Variants in AGBL4 observed in about 807,000 individuals in gnomAD.
AGBL4 encodes AGBL carboxypeptidase 4, also known as cytosolic carboxypeptidase 6.
AGBL4 carries 58 observed loss-of-function variants against 66.4 expected under a neutral mutation model. That is an observed-to-expected ratio of 0.87 (90% CI 0.71 to 1.09). AGBL4 has a LOEUF of 1.09. Among genes scored for constraint, AGBL4 ranks in the 50% least tolerant of loss-of-function variants. The pLI, the probability that AGBL4 is intolerant of heterozygous loss-of-function variation, is 0.00. For synonymous variants in AGBL4, 234 were observed against 222.9 expected (o/e 1.05, Z -0.44); for missense variants, 579 against 631.0 (o/e 0.92, Z 0.88).
chr1:49,508,987 G>C (rs1188450091), intron 3 of AGBL4, among the ~76,000 whole-genome samples: 1 of 151,804 alleles, frequency 6.6e-6, no homozygotes, highest in East Asian at 1.9e-4. Flanking sequence ...TTATCATCTA[G>C]TAGGGAACAT....
At position 49,552,792 on chromosome 1, in the gene AGBL4, G is replaced by A. The variant is rs930769042; in HGVS notation, c.282+144521C>T. ...GCCCTGCATACTGCTCTGTCTGTCCGAGTCAGAGCTGCAATTTAGTCCTGC... is the reference window on the plus strand; with the variant it reads ...GCCCTGCATACTGCTCTGTCTGTCCAAGTCAGAGCTGCAATTTAGTCCTGC... On this transcript the variant is annotated intron_variant, in intron 3 of 13. Transcript: ENST00000371839. Among the ~76,000 whole-genome samples the A allele has an allele frequency of 7.2e-5, 11 of 152,160 alleles. 1 individual carries two copies. Among genetic ancestry groups the A allele is most frequent in the African/African-American group, 2.7e-4 (11 of 41,436 alleles).
intron 6 of AGBL4, among the ~76,000 whole-genome samples, chr1:48,743,506 T>G (rs1404471022): frequency 1.3e-5 from 2 of 152,198 alleles, no homozygotes; most frequent in Admixed American, 1.3e-4. Context: ...AGAAACAGGA[T>G]GAAAATGGGT....
intron 5 of AGBL4, among the ~76,000 whole-genome samples, chr1:48,982,301 T>C (rs1000758481): frequency 1.3e-5 from 2 of 152,186 alleles, no homozygotes; most frequent in Admixed American, 6.5e-5. Context: ...ACCCATTAAC[T>C]CGTCATTTAA....
Position 49,864,995 on chromosome 1 carries a change from C to G in AGBL4, c.35-13477G>C, listed in dbSNP as rs554979024. On this transcript the variant is annotated intron_variant, in intron 1 of 13. Coordinates refer to ENST00000371839, the MANE Select transcript of AGBL4 (RefSeq NM_032785.4). ...CACAGCTGATGTGGCAGATCTTGACCAGACTGCCTCTTCAGGCCAGATCCA... is the reference window on the plus strand; with the variant it reads ...CACAGCTGATGTGGCAGATCTTGACGAGACTGCCTCTTCAGGCCAGATCCA... 7.9e-5 allele frequency among the ~76,000 whole-genome samples: 12 copies of G among 152,256 alleles called. No individual in the cohort carries two copies. The South Asian group carries it at 2.3e-3, about 29-fold the overall frequency.
intron 3 of AGBL4, among the ~76,000 whole-genome samples, chr1:49,250,821 GAGGAGAAC>G (rs1651998434): frequency 6.6e-6 from 1 of 152,144 alleles, no homozygotes; most frequent in African/African-American, 2.4e-5. Flanking sequence ...ACTCTGGCAG[GAGGAGAAC>G]CCTTGACCAC....
chr1:48,597,690 G>A (rs1645014395), intron 9 of AGBL4, among the ~76,000 whole-genome samples: 2 of 137,140 alleles, frequency 1.5e-5, no homozygotes, highest in Admixed American at 1.5e-4. Context: ...GGAAAGGGGA[G>A]AGGAGAGGAG....
At chr1:49,333,625 A>C (rs544353617) in intron 3 of AGBL4, among the ~76,000 whole-genome samples, 1 of 152,220 alleles carries the variant, frequency 6.6e-6, no homozygotes, top group East Asian at 1.9e-4. Context: ...TATTTAAAAA[A>C]TAAATAAAAG....
chr1:48,866,202 G>C (rs1449058849), intron 6 of AGBL4, among the ~76,000 whole-genome samples: 2 of 152,208 alleles, frequency 1.3e-5, no homozygotes, highest in Non-Finnish European at 2.9e-5. Flanking sequence ...CTTTGAAAGT[G>C]AGGCACTGGC....
chr1:48,562,607 G>C (rs536598563), intron 11 of AGBL4, among the ~76,000 whole-genome samples: 1 of 152,312 alleles, frequency 6.6e-6, no homozygotes, highest in East Asian at 1.9e-4. Flanking sequence ...GGCAGATGGG[G>C]TACAAGGTAT....
At chr1:48,578,980 T>C (rs1644695286) in intron 11 of AGBL4, among the ~76,000 whole-genome samples, 2 of 152,132 alleles carry the variant, frequency 1.3e-5, no homozygotes, top group East Asian at 3.9e-4. Context: ...CTTTTCTTCA[T>C]TGTGACTTTA....
chr1:49,354,974 C>G (rs1643988795), intron 3 of AGBL4, among the ~76,000 whole-genome samples: 3 of 152,166 alleles, frequency 2.0e-5, no homozygotes, highest in Admixed American at 1.3e-4. Flanking sequence ...GGCACACATA[C>G]AGCCACACTC....
intron 4 of AGBL4, among the ~76,000 whole-genome samples, chr1:49,125,082 A>G (rs573577359): frequency 2.1e-4 from 32 of 152,292 alleles, no homozygotes; most frequent in African/African-American, 7.7e-4. Context: ...ATAGATCTAT[A>G]AAACTCAAAG....
intron 6 of AGBL4, among the ~76,000 whole-genome samples, chr1:48,675,804 G>A (rs1269530019): frequency 6.6e-6 from 1 of 152,174 alleles, no homozygotes; most frequent in Non-Finnish European, 1.5e-5. Flanking sequence ...ATTTGACCAA[G>A]GTCTCACAGT....
intron 1 of AGBL4, among the ~76,000 whole-genome samples, chr1:49,860,436 G>A (rs1385140352): frequency 2.6e-5 from 4 of 152,192 alleles, no homozygotes; most frequent in African/African-American, 9.6e-5. Context: ...AGTGGCTCAC[G>A]CCTGTAGACC....
intron 6 of AGBL4, among the ~76,000 whole-genome samples, chr1:48,691,850 A>C (rs1393919258): frequency 6.6e-6 from 1 of 152,068 alleles, no homozygotes; most frequent in Non-Finnish European, 1.5e-5. Context: ...GGCCAGAGGA[A>C]TCTCTCATCT....
At chr1:49,065,036 A>G (rs1296337050) in intron 4 of AGBL4, among the ~76,000 whole-genome samples, 1 of 152,212 alleles carries the variant, frequency 6.6e-6, no homozygotes, top group Non-Finnish European at 1.5e-5. Context: ...TATAACTTCA[A>G]ATCACACCAT....
At chr1:49,095,999 AC>A (rs1483643959) in intron 4 of AGBL4, among the ~76,000 whole-genome samples, 3 of 151,778 alleles carry the variant, frequency 2.0e-5, no homozygotes, top group Non-Finnish European at 2.9e-5. Context: ...ACAAAAAAAA[AC>A]AAACAACCCC....
intron 1 of AGBL4, among the ~76,000 whole-genome samples, chr1:49,931,115 G>T (rs1252290584): frequency 2.0e-5 from 3 of 151,986 alleles, no homozygotes; most frequent in Non-Finnish European, 4.4e-5. Context: ...TATCCGCAAT[G>T]AACAATCATA....
chr1:49,231,864 T>C (rs893988618), intron 4 of AGBL4, among the ~76,000 whole-genome samples: 16 of 152,348 alleles, frequency 1.1e-4, no homozygotes, highest in African/African-American at 3.4e-4. Flanking sequence ...CAATAAGTTA[T>C]ATAAGGTATT....
Sources: allele counts gnomAD v4.1 joint callset (sites outside exome capture counted in the v4.1 genomes callset), GRCh38; gene constraint gnomAD v4.1.1; transcripts MANE v1.5; gene names NCBI Gene and HGNC (gene_info 2026-07-23, HGNC 2026-07-21).